Variants in FLNA observed in about 807,000 individuals in gnomAD.
FLNA encodes filamin A.
FLNA carries 7 observed loss-of-function variants against 157.6 expected under a neutral mutation model. The observed-to-expected ratio is 0.04, with a 90% CI of 0.03 to 0.08. FLNA has a LOEUF of 0.08. FLNA is among the 10% of genes least tolerant of loss of function. The pLI is 1.00. For missense variants in FLNA, 1,750 were observed against 2,398.4 expected (o/e 0.73, Z 5.65); for synonymous variants, 1,103 against 1,060.8 (o/e 1.04, Z -0.77).
At position 154,365,270 on chromosome X, in the gene FLNA, AAG is replaced by A; in HGVS notation, c.1568-13_1568-12del. 8.3e-7 allele frequency: 1 copy of A among 1,211,701 alleles called. No homozygotes were observed. The highest frequency in any genetic ancestry group is 1.7e-5 in the African/African-American group (1 of 57,918). On this transcript the variant is annotated splice_polypyrimidine_tract_variant and intron_variant, in intron 10 of 47. Transcript: ENST00000369850. ...CGCGCTCCTCTCCCTCTGCCAAGACAAGGAGGGCCTCAGGCCTGCCCAGCAGT... is the reference window on the plus strand; with the variant it reads ...CGCGCTCCTCTCCCTCTGCCAAGACAGAGGGCCTCAGGCCTGCCCAGCAGT...
rs781844419 is a variant in FLNA, at chrX:154,361,409, G to A, written c.3106C>T (p.Arg1036Cys). Residue 1036 changes from arginine to cysteine, a missense_variant, in exon 21 of 48, where the codon CGT becomes TGT. Physicochemically the swap from Arg to Cys is radical, Grantham distance 180. Around this residue, in one of 5 missense-constraint regions of FLNA, gnomAD observed 648 missense variants for 805.8 expected, o/e 0.80. Transcript: ENST00000369850. ...ADNSVVRFLPREEGPYEVEVT... is the reference protein window; with the variant it reads ...ADNSVVRFLPCEEGPYEVEVT... ...TCCACCTCATAGGGCCCTTCCTCAC[G>A]GGGCAGGAAGCGCACCACACTGTTG... The A allele has an allele frequency of 2.3e-5, 28 of 1,208,379 alleles. No homozygotes were observed. In the African/African-American group the frequency reaches 2.5e-4, roughly 11 times the overall value.
At chrX:154,350,804 T>C in intron 44 of FLNA, 105 bp downstream of exon 44, 1 of 977,992 alleles carries the variant, frequency 1.0e-6, no homozygotes, top group South Asian at 2.0e-5. Flanking sequence ...GGCCCAGGAG[T>C]TGGGGCCCCG....
At chrX:154,368,142 G>A (rs368171879) in intron 2 of FLNA, 52 bp from the exon 3 acceptor site, 47 of 1,206,308 alleles carry the variant, frequency 3.9e-5, no homozygotes, top group Non-Finnish European at 4.4e-5. Context: ...GGGAGGGGCC[G>A]ATCCCAGGCT....
At position 154,355,061 on chromosome X, in the gene FLNA, C is replaced by T. The variant is rs1402204338; in HGVS notation, c.4981G>A (p.Gly1661Ser). The change falls in exon 31 of 48, where the codon GGC becomes AGC. Residue 1661 changes from glycine (G) to serine (S), a missense_variant. Coordinates refer to ENST00000369850, the MANE Select transcript of FLNA (RefSeq NM_001110556.2). Reference protein sequence around the residue: ...IGGHGLGAGIGPTIQIGEETV... With the variant: ...IGGHGLGAGISPTIQIGEETV... ...TCCTCCCCAATCTGAATGGTGGGGCCGATGCCAGCACCTGGTGGGGCAGGG... is the reference window on the plus strand; with the variant it reads ...TCCTCCCCAATCTGAATGGTGGGGCTGATGCCAGCACCTGGTGGGGCAGGG... 12 of 1,204,455 alleles carry T rather than the reference C, an allele frequency of 1.0e-5. No individual in the cohort carries two copies. Among genetic ancestry groups the T allele is most frequent in the African/African-American group, 1.7e-5 (1 of 57,463 alleles).
In FLNA at chrX:154,352,983, T is replaced by C; in HGVS notation, c.6226+18A>G. 1 of 1,210,236 alleles carries C rather than the reference T, an allele frequency of 8.3e-7. No individual in the cohort carries two copies. The highest frequency in any genetic ancestry group is 1.1e-6 in the Non-Finnish European group (1 of 894,668). On this transcript the variant is annotated intron_variant, in intron 38 of 47. Transcript: ENST00000369850. ...TGCACAGTGCTCCCGCCCCAGCTGGTGGGCAGCCACTGCCTACCTGCATCG... is the reference window on the plus strand; with the variant it reads ...TGCACAGTGCTCCCGCCCCAGCTGGCGGGCAGCCACTGCCTACCTGCATCG...
At position 154,362,266 on chromosome X, in the gene FLNA, C is replaced by T. The variant is rs1569551740; in HGVS notation, c.2632G>A (p.Glu878Lys). The T allele has an allele frequency of 3.3e-6, 4 of 1,209,569 alleles. No homozygotes were observed. Among genetic ancestry groups the T allele is most frequent in the South Asian group, 3.5e-5 (2 of 56,855 alleles). The change falls in exon 18 of 48, where the codon GAG (glutamate) becomes AAG (lysine). Residue 878 changes from glutamate (E) to lysine (K), a missense_variant. Glu to Lys is a moderately conservative substitution (Grantham distance 56). Coordinates refer to ENST00000369850, the MANE Select transcript of FLNA (RefSeq NM_001110556.2). ...PSHDASKVKAEGPGLSRTGVE... is the reference protein window; with the variant it reads ...PSHDASKVKAKGPGLSRTGVE... Reference sequence around the variant, plus strand: ...CCAGTGCGACTGAGGCCAGGGCCCTCGGCCTTCACCTTACTGGCGTCATGA... The same window carrying T: ...CCAGTGCGACTGAGGCCAGGGCCCTTGGCCTTCACCTTACTGGCGTCATGA...
At chrX:154,358,712 C>G in intron 26 of FLNA, 144 bp from the exon 27 acceptor site, 1 of 795,916 alleles carries the variant, frequency 1.3e-6, no homozygotes, top group Non-Finnish European at 1.9e-6. Flanking sequence ...GCCTTGACCC[C>G]CTCTGGCACG....
chrX:154,350,281 C>A (rs1044441772), intron 44 of FLNA, 74 bp from the exon 45 acceptor site: 22 of 982,919 alleles, frequency 2.2e-5, no homozygotes, highest in Middle Eastern at 3.2e-4. Flanking sequence ...TGAGGAACAG[C>A]CTCAACCCTG....
chrX:154,367,783 C>G, intron 3 of FLNA, 45 bp from the exon 4 acceptor site: 4 of 1,210,700 alleles, frequency 3.3e-6, no homozygotes, highest in East Asian at 5.9e-5. Context: ...GCAGAACCCC[C>G]TCAAGGGCCA....
intron 28 of FLNA, 59 bp downstream of exon 28, chrX:154,358,140 C>A (rs2067676622): frequency 8.6e-7 from 1 of 1,161,896 alleles, no homozygotes; most frequent in African/African-American, 1.8e-5. Context: ...CAGCCACCCG[C>A]AGCCCACACT....
In FLNA at chrX:154,354,717, G is replaced by A. The variant is rs2067649213; in HGVS notation, c.5218-6C>T. 4 of 1,207,002 alleles carry A rather than the reference G, an allele frequency of 3.3e-6. No individual in the cohort carries two copies. The highest frequency in any genetic ancestry group is 4.5e-6 in the Non-Finnish European group (4 of 893,493). Reference sequence around the variant, plus strand: ...GGCTGGTCCCCAGCCAGAGCCTGCAGGGCAAAGCAGAGAGCTGCTGGAGAG... The same window carrying A: ...GGCTGGTCCCCAGCCAGAGCCTGCAAGGCAAAGCAGAGAGCTGCTGGAGAG... On this transcript the variant is annotated splice_region_variant and splice_polypyrimidine_tract_variant and intron_variant, in intron 31 of 47. Coordinates refer to ENST00000369850, the MANE Select transcript of FLNA (RefSeq NM_001110556.2).
Position 154,353,716 on chromosome X carries a change from G to C in FLNA, c.5698C>G (p.Leu1900Val). Reference protein sequence around the residue: ...TKDAGEGGLSLAIEGPSKAEI... With the variant: ...TKDAGEGGLSVAIEGPSKAEI... ...GCTTTGGACGGGCCCTCAATGGCCAGAGACAGGCCCCCTGGAGAGAGCCGT... is the reference window on the plus strand; with the variant it reads ...GCTTTGGACGGGCCCTCAATGGCCACAGACAGGCCCCCTGGAGAGAGCCGT... The change falls in exon 36 of 48, where the codon CTG (leucine) becomes GTG (valine). Residue 1900 changes from leucine (L) to valine (V), a missense_variant. Physicochemically the swap from Leu to Val is conservative, Grantham distance 32. Coordinates refer to ENST00000369850, the MANE Select transcript of FLNA (RefSeq NM_001110556.2). 1 of 1,210,323 alleles carries C rather than the reference G, an allele frequency of 8.3e-7. No homozygotes were observed. The highest frequency in any genetic ancestry group is 1.1e-6 in the Non-Finnish European group (1 of 894,636).
At chrX:154,350,332 A>T in intron 44 of FLNA, 125 bp from the exon 45 acceptor site, 1 of 615,046 alleles carries the variant, frequency 1.6e-6, no homozygotes, top group African/African-American at 2.2e-5. Flanking sequence ...GAGCCCAGCC[A>T]CGCTGGGCAC....
At position 154,357,579 on chromosome X, in the gene FLNA, A is replaced by G; in HGVS notation, c.4800T>C (p.His1600=). The part of the protein sequence containing the change: ...KPKKTHIQDN[H]DGTYTVAYVP... ...CGTAGGCCACTGTATACGTGCCGTC[A>G]TGGTTGTCTTGGATGTGTGTCTTCT... is the stretch of plus-strand genomic sequence containing the variant. The change falls in exon 29 of 48, where the codon CAT becomes CAC. Residue 1600 remains histidine, a synonymous_variant. Transcript: ENST00000369850. 1 of 1,211,843 alleles carries G rather than the reference A, an allele frequency of 8.3e-7. No individual in the cohort carries two copies. Among genetic ancestry groups the G allele is most frequent in the South Asian group, 1.8e-5 (1 of 57,019 alleles).
intron 30 of FLNA, 83 bp from the exon 31 acceptor site, chrX:154,355,155 C>T (rs2067653369): frequency 9.6e-7 from 1 of 1,039,023 alleles, no homozygotes. Flanking sequence ...GCCGCCCACA[C>T]AGGCCTCTCA....
In FLNA at chrX:154,352,302, G is replaced by A. The variant is rs782730629; in HGVS notation, c.6648C>T (p.Tyr2216=). 1 of 1,209,931 alleles carries A rather than the reference G, an allele frequency of 8.3e-7. No individual in the cohort carries two copies. Among genetic ancestry groups the A allele is most frequent in the African/African-American group, 1.7e-5 (1 of 57,218 alleles). ...GGCTCCCAGGCACGTGCTGGCCCTTGTACTTCACGCTGACTGTGTGTGTGC... is the reference window on the plus strand; with the variant it reads ...GGCTCCCAGGCACGTGCTGGCCCTTATACTTCACGCTGACTGTGTGTGTGC... ...EMGTHTVSVK[Y]KGQHVPGSPF... Residue 2216 remains tyrosine, a synonymous_variant, in exon 41 of 48, where the codon TAC becomes TAT. Coordinates refer to ENST00000369850, the MANE Select transcript of FLNA (RefSeq NM_001110556.2).
chrX:154,359,157 G>A lies in FLNA; in HGVS notation c.4304-3C>T. 1 of 1,211,383 alleles carries A rather than the reference G, an allele frequency of 8.3e-7. No individual in the cohort carries two copies. Among genetic ancestry groups the A allele is most frequent in the Non-Finnish European group, 1.1e-6 (1 of 895,537 alleles). On this transcript the variant is annotated splice_region_variant and splice_polypyrimidine_tract_variant and intron_variant, in intron 25 of 47. Transcript: ENST00000369850. ...CACAGGGACCTTGAAAGGACTGCCT[G>A]AGGGTTGGGGCAAAGGGATGGCGGC...
At position 154,353,271 on chromosome X, in the gene FLNA, C is replaced by A. The variant is rs782566511; in HGVS notation, c.6022+25G>T. On this transcript the variant is annotated intron_variant, in intron 37 of 47. Coordinates refer to ENST00000369850, the MANE Select transcript of FLNA (RefSeq NM_001110556.2). The stretch of plus-strand genomic sequence containing the variant: ...CCCCACAGGCTGCCTCCTTTCTGAA[C>A]CCCCTGGACCCTTCAGCCGCTTACC... 32 of 1,210,043 alleles carry A rather than the reference C, an allele frequency of 2.6e-5. No individual in the cohort carries two copies. The Admixed American group carries it at 6.5e-4, about 25-fold the overall frequency.
chrX:154,366,530 G>T, intron 7 of FLNA, 32 bp downstream of exon 7: 2 of 1,208,337 alleles, frequency 1.7e-6, no homozygotes, highest in Non-Finnish European at 2.2e-6. Context: ...ACTGCCTGAG[G>T]TCACAAGCCT....
Sources: gnomAD v4.1 joint callset for allele counts on GRCh38, gnomAD v4.1.1 for gene constraint, gnomAD v4.1.1 regional missense constraint, MANE v1.5 for transcripts, NCBI Gene and HGNC (gene_info 2026-07-23, HGNC 2026-07-21) for gene names.